Variants in DENND5B observed in about 807,000 individuals in gnomAD.
DENND5B encodes the protein DENN domain-containing protein 5B.
In DENND5B, 34 loss-of-function variants were observed where a neutral mutation model predicts 140.6. The ratio of observed to expected loss-of-function variants is 0.24; its 90% CI spans 0.18 to 0.32. The LOEUF (loss-of-function observed/expected upper bound fraction) is 0.32. Ranked by LOEUF, DENND5B falls within the 10% of genes least tolerant of loss-of-function variation. The pLI, the probability that DENND5B is intolerant of heterozygous loss-of-function variation, is 1.00. For synonymous variants in DENND5B, 551 were observed against 562.1 expected (o/e 0.98, Z 0.28); for missense variants, 1,142 against 1,560.2 (o/e 0.73, Z 4.52).
intron 16 of DENND5B, 49 bp downstream of exon 16, chr12:31,399,605 G>C: frequency 2.7e-6 from 4 of 1,460,014 alleles, no homozygotes; most frequent in Non-Finnish European, 1.9e-6. Flanking sequence ...TTTCTTACCT[G>C]AAGAGTCTTA....
Position 31,520,297 on chromosome 12 carries a change from C to CT in DENND5B, c.128-24379dup, listed in dbSNP as rs1457848628. Among the ~76,000 whole-genome samples, 17 of 152,276 alleles carry CT rather than the reference C, an allele frequency of 1.1e-4. 1 individual carries two copies. Among genetic ancestry groups the CT allele is most frequent in the Middle Eastern group, 3.4e-3 (1 of 294 alleles). On this transcript the variant is annotated intron_variant, in intron 1 of 20. Coordinates refer to ENST00000389082, the MANE Select transcript of DENND5B (RefSeq NM_144973.4). ...TAATCAACTATAGGGTGCTATAGAA[C>CT]TTTTTAACCTTGTTTCCAAAATATG...
chr12:31,511,325 G>A (rs1716216), intron 1 of DENND5B, among the ~76,000 whole-genome samples: 120,861 of 152,154 alleles, frequency 0.79, 48,444 homozygotes, highest in African/African-American at 0.89. Context: ...CTTCCATAAC[G>A]CTACAAAATC....
intron 1 of DENND5B, among the ~76,000 whole-genome samples, chr12:31,556,939 G>GT (rs1949306951): frequency 6.6e-6 from 1 of 152,138 alleles, no homozygotes; most frequent in Non-Finnish European, 1.5e-5. Flanking sequence ...TTCCCACTAG[G>GT]AGGTTCTCCT....
chr12:31,415,916 A>G (rs1005878620), intron 11 of DENND5B, among the ~76,000 whole-genome samples: 1 of 148,498 alleles, frequency 6.7e-6, no homozygotes, highest in African/African-American at 2.5e-5. Context: ...GCTCACCGCA[A>G]CCTCCACCTC....
At chr12:31,444,228 T>G (rs1013311743) in intron 6 of DENND5B, 6 of 152,344 alleles carry the variant, frequency 3.9e-5, no homozygotes, top group African/African-American at 1.4e-4. Flanking sequence ...GGTGCCTTTA[T>G]AAATATTTCA....
chr12:31,404,699 C>G (rs1171493450), intron 14 of DENND5B, among the ~76,000 whole-genome samples: 1 of 150,198 alleles, frequency 6.7e-6, no homozygotes, highest in South Asian at 2.1e-4. Context: ...GGTGATCCAC[C>G]GGCCTCAACC....
At chr12:31,557,839 A>G (rs954214442) in intron 1 of DENND5B, among the ~76,000 whole-genome samples, 24 of 133,288 alleles carry the variant, frequency 1.8e-4, no homozygotes, top group African/African-American at 6.0e-4. Context: ...AAAAAAAAAG[A>G]CACAGAAATG....
intron 1 of DENND5B, among the ~76,000 whole-genome samples, chr12:31,520,869 A>C (rs1476383635): frequency 1.3e-5 from 2 of 148,846 alleles, no homozygotes; most frequent in Non-Finnish European, 3.0e-5. Flanking sequence ...ACAACAACAA[A>C]AACAGGAAAA....
At chr12:31,546,277 T>C (rs1948857865) in intron 1 of DENND5B, among the ~76,000 whole-genome samples, 1 of 152,176 alleles carries the variant, frequency 6.6e-6, no homozygotes, top group Non-Finnish European at 1.5e-5. Context: ...TGTCGTTCTA[T>C]AACCATTTTC....
Position 31,447,593 on chromosome 12 carries a change from C to T in DENND5B, c.1806G>A (p.Arg602=). The T allele has an allele frequency of 6.2e-7, 1 of 1,613,734 alleles. No homozygotes were observed. Among genetic ancestry groups the T allele is most frequent in the Middle Eastern group, 1.6e-4 (1 of 6,062 alleles). The part of the protein sequence containing the change: ...RIDKIRLYNV[R]APTLRTSIYQ... ...ATATAGATGTCCGCAAGGTGGGTGC[C>T]CTTACATTATACAGCCTTATCTTAT... The change falls in exon 6 of 21, where the codon AGG becomes AGA. Residue 602 remains arginine, a synonymous_variant. Transcript: ENST00000389082.
intron 1 of DENND5B, chr12:31,590,182 C>A (rs1393190752): frequency 6.6e-6 from 1 of 152,316 alleles, no homozygotes; most frequent in African/African-American, 2.4e-5. Context: ...CCGGTCCCCG[C>A]CCCGCGCTCG....
intron 3 of DENND5B, 123 bp from the exon 4 acceptor site, chr12:31,460,504 A>T (rs1196786061): frequency 5.7e-6 from 5 of 877,516 alleles, no homozygotes; most frequent in Admixed American, 5.7e-5. Context: ...TTTCTTTATG[A>T]TCATACAGAA....
At chr12:31,426,114 G>T (rs1304533589) in intron 9 of DENND5B, among the ~76,000 whole-genome samples, 179 bp downstream of exon 9, 2 of 152,192 alleles carry the variant, frequency 1.3e-5, no homozygotes, top group African/African-American at 2.4e-5. Flanking sequence ...ATTCTGTGGG[G>T]AATGAAGAAC....
At chr12:31,427,066 C>A (rs79926503) in intron 8 of DENND5B, among the ~76,000 whole-genome samples, 2 of 152,142 alleles carry the variant, frequency 1.3e-5, no homozygotes, top group African/African-American at 4.8e-5. Flanking sequence ...CTGAAAAGCA[C>A]GATGTGCTCC....
chr12:31,557,963 G>A (rs1420177540), intron 1 of DENND5B, among the ~76,000 whole-genome samples: 1 of 152,126 alleles, frequency 6.6e-6, no homozygotes, highest in African/African-American at 2.4e-5. Context: ...TGAGGCGAGA[G>A]GACTGGTTAA....
chr12:31,428,826 G>C (rs1218013157), intron 8 of DENND5B, among the ~76,000 whole-genome samples: 1 of 152,176 alleles, frequency 6.6e-6, no homozygotes, highest in African/African-American at 2.4e-5. Flanking sequence ...CCGCCTCCTG[G>C]TTTCACACCA....
chr12:31,542,624 AATAT>A (rs1948719094), intron 1 of DENND5B, among the ~76,000 whole-genome samples: 1 of 152,148 alleles, frequency 6.6e-6, no homozygotes, highest in Non-Finnish European at 1.5e-5. Flanking sequence ...GTAACCCATA[AATAT>A]ATACATCTGC....
At chr12:31,438,931 A>G (rs531850229) in intron 7 of DENND5B, among the ~76,000 whole-genome samples, 7 of 152,334 alleles carry the variant, frequency 4.6e-5, no homozygotes, top group Admixed American at 3.3e-4. Context: ...TGGCAGGCAG[A>G]AAAGGATAAA....
intron 14 of DENND5B, among the ~76,000 whole-genome samples, chr12:31,408,624 CAAAAAAAA>C (rs33965275): frequency 3.5e-4 from 25 of 71,958 alleles, no homozygotes; most frequent in African/African-American, 7.3e-4. Context: ...GAGACTCTAT[CAAAAAAAA>C]AAAAAAAAAA....
Sources: allele counts gnomAD v4.1 joint callset (sites outside exome capture counted in the v4.1 genomes callset), GRCh38; gene constraint gnomAD v4.1.1; transcripts MANE v1.5; gene names NCBI Gene and HGNC (gene_info 2026-07-23, HGNC 2026-07-21).